KLHL18: variants seen among roughly 807,000 people sequenced by gnomAD.
KLHL18 encodes the protein kelch like family member 18, also known as kelch-like protein 18.
In KLHL18, 38 loss-of-function variants were observed where a neutral mutation model predicts 58.5. The ratio of observed to expected loss-of-function variants is 0.65; its 90% CI spans 0.50 to 0.85. KLHL18 has a LOEUF of 0.85. Among genes scored for constraint, KLHL18 ranks in the 40% least tolerant of loss-of-function variants. The pLI is 0.00. For missense variants in KLHL18, 624 were observed against 778.4 expected (o/e 0.80, Z 2.36); for synonymous variants, 303 against 301.9 (o/e 1.00, Z -0.04).
chr3:47,330,143 G>T lies in KLHL18; in HGVS notation c.594G>T (p.Glu198Asp). The T allele has an allele frequency of 6.2e-7, 1 of 1,614,100 alleles. No homozygotes were observed. The highest frequency in any genetic ancestry group is 8.5e-7 in the Non-Finnish European group (1 of 1,179,988). ...GGGATGAGCTGAATGTCAAATCTGA[G>T]GAGCAGGTATGTGAGCCCAGTAGCA... is the stretch of plus-strand genomic sequence containing the variant. ...VSRDELNVKS[E>D]EQVFEAALAW... is the part of the protein sequence containing the mutation. The change falls in exon 4 of 10, where the codon GAG becomes GAT. Residue 198 changes from glutamate to aspartate, a missense_variant. Coordinates refer to ENST00000232766, the MANE Select transcript of KLHL18 (RefSeq NM_025010.5).
At chr3:47,284,099 G>GCC (rs948086428) in intron 1 of KLHL18, among the ~76,000 whole-genome samples, 63 of 152,156 alleles carry the variant, frequency 4.1e-4, no homozygotes, top group African/African-American at 1.5e-3. Flanking sequence ...GGGCATGGTA[G>GCC]CCTGTGCCCG....
intron 3 of KLHL18, among the ~76,000 whole-genome samples, chr3:47,327,865 C>T (rs1385378019): frequency 1.3e-5 from 2 of 152,116 alleles, no homozygotes; most frequent in Non-Finnish European, 2.9e-5. Flanking sequence ...TAAATATAAC[C>T]CTGTGCCTAA....
intron 3 of KLHL18, among the ~76,000 whole-genome samples, chr3:47,327,204 A>C (rs536955495): frequency 1.2e-4 from 18 of 152,158 alleles, no homozygotes; most frequent in Admixed American, 1.1e-3. Context: ...ATGCCGCTGC[A>C]CTCTAGCCTC....
chr3:47,309,977 GTGGGGAGAGGGA>G (rs1703256894), intron 1 of KLHL18, among the ~76,000 whole-genome samples: 1 of 151,190 alleles, frequency 6.6e-6, no homozygotes, highest in Non-Finnish European at 1.5e-5. Context: ...GAGGGAGACC[GTGGGGAGAGGGA>G]GGGGGAGGGG....
At chr3:47,316,465 A>ATG (rs1363735396) in intron 1 of KLHL18, among the ~76,000 whole-genome samples, 1 of 117,016 alleles carries the variant, frequency 8.5e-6, no homozygotes, top group African/African-American at 3.2e-5. Flanking sequence ...GTACAAATAT[A>ATG]TATATATGTA....
At chr3:47,320,713 T>A (rs1488974039) in intron 2 of KLHL18, among the ~76,000 whole-genome samples, 1 of 151,340 alleles carries the variant, frequency 6.6e-6, no homozygotes, top group Non-Finnish European at 1.5e-5. Context: ...AGGCTAGGAG[T>A]TCAAGACCAG....
chr3:47,283,127 A>G, intron 1 of KLHL18, 33 bp downstream of exon 1: 1 of 1,549,198 alleles, frequency 6.5e-7, no homozygotes, highest in Non-Finnish European at 8.7e-7. Context: ...GGGCTGAGGG[A>G]AAAGGGGTCG....
chr3:47,343,937 T>C lies in KLHL18; in HGVS notation c.1721T>C (p.Ile574Thr), dbSNP rs1037904182. The change falls in exon 10 of 10, where the codon ATC becomes ACC. Residue 574 changes from isoleucine (I) to threonine (T), a missense_variant. Physicochemically the swap from Ile to Thr is moderately conservative, Grantham distance 89. Transcript: ENST00000232766. ...VGVGCIPLLT[I>T] ...GTGGGCTGCATCCCTCTCCTCACCA[T>C]CTAAGGCAGAGGATGGGATGTGGTG... The C allele has an allele frequency of 9.9e-6, 16 of 1,612,962 alleles. No individual in the cohort carries two copies. Among genetic ancestry groups the C allele is most frequent in the Non-Finnish European group, 1.4e-5 (16 of 1,179,932 alleles).
intron 4 of KLHL18, among the ~76,000 whole-genome samples, chr3:47,331,208 C>T (rs1446611574): frequency 6.6e-6 from 1 of 151,702 alleles, no homozygotes; most frequent in African/African-American, 2.4e-5. Flanking sequence ...GCTCACTGCA[C>T]CTCTGCCTCC....
At position 47,344,081 on chromosome 3, in the gene KLHL18, C is replaced by A; in HGVS notation, c.*140C>A. On this transcript the variant is annotated 3_prime_UTR_variant, in exon 10 of 10. Transcript: ENST00000232766. ...GCCGGAGGTACAGTTTTTCCAGGTGCTTAAGCCCTCCCCCACTGTGCCACC... is the reference window on the plus strand; with the variant it reads ...GCCGGAGGTACAGTTTTTCCAGGTGATTAAGCCCTCCCCCACTGTGCCACC... The A allele has an allele frequency of 9.1e-7, 1 of 1,104,542 alleles. No homozygotes were observed. 68.4% of individuals were successfully genotyped at this position (1,104,542 alleles called of 1,614,324 possible).
chr3:47,312,946 G>A (rs979185686), intron 1 of KLHL18, among the ~76,000 whole-genome samples: 2 of 121,146 alleles, frequency 1.7e-5, no homozygotes, highest in African/African-American at 6.4e-5. Flanking sequence ...GTCTCGCTCT[G>A]TCGCCCAGGC....
intron 1 of KLHL18, among the ~76,000 whole-genome samples, chr3:47,311,919 G>T (rs545891844): frequency 6.6e-6 from 1 of 152,356 alleles, no homozygotes; most frequent in East Asian, 1.9e-4. Flanking sequence ...AGTGTATTAT[G>T]CAGAGCCCTG....
intron 9 of KLHL18, 99 bp from the exon 10 acceptor site, chr3:47,343,456 G>A: frequency 7.1e-7 from 1 of 1,402,686 alleles, no homozygotes; most frequent in South Asian, 1.2e-5. Flanking sequence ...TCCCACAGGA[G>A]TTTGACATCA....
At chr3:47,305,054 T>C (rs376002140) in intron 1 of KLHL18, among the ~76,000 whole-genome samples, 36 of 151,958 alleles carry the variant, frequency 2.4e-4, no homozygotes, top group African/African-American at 8.4e-4. Context: ...AAAAAACCCA[T>C]AATGTCATCA....
intron 1 of KLHL18, among the ~76,000 whole-genome samples, chr3:47,291,871 G>T (rs1460042435): frequency 6.6e-6 from 1 of 152,232 alleles, no homozygotes; most frequent in Admixed American, 6.5e-5. Context: ...TAACATAGAA[G>T]TTACTGTTAA....
intron 3 of KLHL18, among the ~76,000 whole-genome samples, chr3:47,327,107 C>T (rs998557822): frequency 2.0e-5 from 3 of 151,990 alleles, no homozygotes; most frequent in Non-Finnish European, 2.9e-5. Flanking sequence ...GCCGTGGTGG[C>T]GCACGCCTGT....
intron 1 of KLHL18, among the ~76,000 whole-genome samples, chr3:47,285,454 C>A (rs1045604896): frequency 6.6e-6 from 1 of 152,148 alleles, no homozygotes; most frequent in Non-Finnish European, 1.5e-5. Flanking sequence ...CCGTGGCTCA[C>A]GCCTATTATC....
In KLHL18 at chr3:47,343,716, G is replaced by C; in HGVS notation, c.1500G>C (p.Val500=). Residue 500 remains valine, a synonymous_variant, in exon 10 of 10, where the codon GTG becomes GTC. Coordinates refer to ENST00000232766, the MANE Select transcript of KLHL18 (RefSeq NM_025010.5). ...FLSIAEMYSS[V]ADQWCLIVPM... ...GCATTGCCGAGATGTACAGCTCTGT[G>C]GCAGACCAGTGGTGCCTGATTGTCC... 6.2e-7 allele frequency: 1 copy of C among 1,614,188 alleles called. No homozygotes were observed. The highest frequency in any genetic ancestry group is 1.3e-5 in the African/African-American group (1 of 75,072).
At chr3:47,297,628 G>T (rs1301136535) in intron 1 of KLHL18, 2 of 456,628 alleles carry the variant, frequency 4.4e-6, no homozygotes, top group Non-Finnish European at 8.8e-6. Context: ...ACTTTGACCA[G>T]CTCTGCCAGT....
Sources: gnomAD v4.1 joint callset for allele counts (sites outside exome capture counted in the v4.1 genomes callset) on GRCh38, gnomAD v4.1.1 for gene constraint, MANE v1.5 for transcripts, NCBI Gene and HGNC (gene_info 2026-07-23, HGNC 2026-07-21) for gene names.